Variants in PDE7B observed in about 807,000 individuals in gnomAD.
PDE7B encodes the protein 3',5'-cyclic-AMP phosphodiesterase 7B.
Under a neutral mutation model 56.2 loss-of-function variants are expected in PDE7B, and 29 were observed. The ratio of observed to expected loss-of-function variants is 0.52; its 90% CI spans 0.38 to 0.70. PDE7B has a LOEUF of 0.70. PDE7B is among the 30% of genes least tolerant of loss of function. The pLI is 0.00. For missense variants in PDE7B, 490 were observed against 565.0 expected, an observed-to-expected ratio of 0.87 and a Z score of 1.35; for synonymous variants, 197 against 196.9, an observed-to-expected ratio of 1.00 and a Z score of 0.00.
intron 2 of PDE7B, among the ~76,000 whole-genome samples, chr6:136,052,827 G>A (rs1344559216): frequency 6.6e-6 from 1 of 152,014 alleles, no homozygotes; most frequent in African/African-American, 2.4e-5. Context: ...TAACTCATAG[G>A]TGGATCCTGA....
chr6:136,149,066 G>GT, intron 4 of PDE7B, 21 bp from the exon 5 acceptor site: 3 of 1,589,036 alleles, frequency 1.9e-6, no homozygotes, highest in Non-Finnish European at 2.6e-6. Flanking sequence ...TTTGCGTGCT[G>GT]TTTTTTGTTT....
intron 11 of PDE7B, among the ~76,000 whole-genome samples, chr6:136,186,256 AAAT>A (rs928417439): frequency 1.8e-4 from 27 of 152,092 alleles, no homozygotes; most frequent in South Asian, 8.3e-4. Context: ...TCTCTACTAA[AAAT>A]AAAAATTTAA....
At chr6:135,993,653 A>G (rs1775511865) in intron 2 of PDE7B, among the ~76,000 whole-genome samples, 1 of 152,214 alleles carries the variant, frequency 6.6e-6, no homozygotes, top group African/African-American at 2.4e-5. Context: ...ACTTGTGTCT[A>G]CTCAGGAATT....
chr6:136,002,527 C>CA (rs994030088), intron 2 of PDE7B, among the ~76,000 whole-genome samples: 8 of 151,680 alleles, frequency 5.3e-5, no homozygotes, highest in South Asian at 4.2e-4. Flanking sequence ...AAATGGAAAA[C>CA]AAAAAAAGGC....
chr6:136,017,752 A>G (rs1776002057), intron 2 of PDE7B, among the ~76,000 whole-genome samples: 1 of 152,168 alleles, frequency 6.6e-6, no homozygotes, highest in Admixed American at 6.5e-5. Context: ...TATGTTAGGC[A>G]TACAATGAAT....
intron 1 of PDE7B, among the ~76,000 whole-genome samples, chr6:135,864,657 T>C (rs1775217198): frequency 6.6e-6 from 1 of 152,172 alleles, no homozygotes; most frequent in Admixed American, 6.5e-5. Context: ...GGTATGGTTT[T>C]CTCTGCATTT....
chr6:135,978,202 T>G (rs1335766968), intron 2 of PDE7B, among the ~76,000 whole-genome samples: 1 of 152,178 alleles, frequency 6.6e-6, no homozygotes, highest in African/African-American at 2.4e-5. Flanking sequence ...TACAGTATAT[T>G]ACTCTGCTGA....
chr6:135,978,889 C>A (rs1447009584), intron 2 of PDE7B, among the ~76,000 whole-genome samples: 2 of 151,986 alleles, frequency 1.3e-5, no homozygotes, highest in East Asian at 3.9e-4. Context: ...TGCCTAATTG[C>A]CCTGGCCAGA....
At chr6:135,943,856 C>A (rs1247643358) in intron 1 of PDE7B, among the ~76,000 whole-genome samples, 1 of 152,194 alleles carries the variant, frequency 6.6e-6, no homozygotes, top group Non-Finnish European at 1.5e-5. Context: ...ATGGACATTA[C>A]ACACATGAAT....
In PDE7B at chr6:136,157,718, A is replaced by G. The variant is rs1005809992; in HGVS notation, c.711+1960A>G. 7.1e-4 allele frequency among the ~76,000 whole-genome samples: 108 copies of G among 152,262 alleles called. 1 individual carries two copies. Among genetic ancestry groups the G allele is most frequent in the Non-Finnish European group, 1.0e-3 (68 of 68,012 alleles). ...TGATTCTGCAGATAGTTGCAGCGGG[A>G]AAAAAAAGAACATAGAAAAAGAATG... is the stretch of plus-strand genomic sequence containing the variant. On this transcript the variant is annotated intron_variant, in intron 8 of 12. Coordinates refer to ENST00000308191, the MANE Select transcript of PDE7B (RefSeq NM_018945.4).
chr6:135,959,817 AG>A (rs1243926987), intron 2 of PDE7B, among the ~76,000 whole-genome samples: 1 of 152,106 alleles, frequency 6.6e-6, no homozygotes, highest in Non-Finnish European at 1.5e-5. Context: ...TTTGTTACCC[AG>A]GCTGAAGTGC....
chr6:136,107,508 A>T (rs557962393), intron 2 of PDE7B, among the ~76,000 whole-genome samples: 11 of 151,764 alleles, frequency 7.2e-5, no homozygotes, highest in African/African-American at 2.4e-4. Context: ...TTATGGAGAA[A>T]TGTAAATAAC....
chr6:136,163,514 G>A (rs941637253), intron 8 of PDE7B, among the ~76,000 whole-genome samples: 12 of 152,202 alleles, frequency 7.9e-5, no homozygotes, highest in African/African-American at 2.7e-4. Context: ...TGCCATGGAG[G>A]TCTTAGACAT....
At chr6:135,906,636 TTAAAG>T (rs1458174333) in intron 1 of PDE7B, among the ~76,000 whole-genome samples, 5 of 152,146 alleles carry the variant, frequency 3.3e-5, no homozygotes, top group African/African-American at 1.2e-4. Flanking sequence ...ATTCTTCAAA[TTAAAG>T]TAAGAGAGAC....
chr6:135,929,920 G>A (rs963553359), intron 1 of PDE7B, among the ~76,000 whole-genome samples: 5 of 152,122 alleles, frequency 3.3e-5, no homozygotes, highest in South Asian at 2.1e-4. Flanking sequence ...AAAGTAGCTC[G>A]GTAAACCTAG....
chr6:135,886,763 T>C (rs940418693), intron 1 of PDE7B, among the ~76,000 whole-genome samples: 4 of 152,158 alleles, frequency 2.6e-5, no homozygotes, highest in African/African-American at 9.6e-5. Context: ...TATCCACTCA[T>C]TGGTTGATGG....
At chr6:136,110,245 G>A (rs1027613300) in intron 3 of PDE7B, among the ~76,000 whole-genome samples, 5 of 152,114 alleles carry the variant, frequency 3.3e-5, no homozygotes, top group African/African-American at 1.2e-4. Context: ...AATGCAATAT[G>A]GGATACAGCC....
At chr6:136,007,667 A>G (rs2128206788) in intron 2 of PDE7B, among the ~76,000 whole-genome samples, 1 of 151,480 alleles carries the variant, frequency 6.6e-6, no homozygotes, top group African/African-American at 2.4e-5. Flanking sequence ...AAAAAAAAAA[A>G]GAAAATCAAT....
At chr6:136,135,102 A>G (rs1778190074) in intron 3 of PDE7B, among the ~76,000 whole-genome samples, 1 of 152,136 alleles carries the variant, frequency 6.6e-6, no homozygotes, top group Non-Finnish European at 1.5e-5. Flanking sequence ...GACAGCCATC[A>G]AGAAGTCGTG....
Sources: gnomAD v4.1 joint callset for allele counts (sites outside exome capture counted in the v4.1 genomes callset) on GRCh38, gnomAD v4.1.1 for gene constraint, MANE v1.5 for transcripts, NCBI Gene and HGNC (gene_info 2026-07-23, HGNC 2026-07-21) for gene names.